The following ENOX2 variants were observed in gnomAD, a reference collection of about 807,000 sequenced individuals.
The protein encoded by ENOX2 is APK1 antigen.
Under a neutral mutation model 45.0 loss-of-function variants are expected in ENOX2, and 36 were observed. That is an observed-to-expected ratio of 0.80 (90% CI 0.61 to 1.06). The LOEUF (loss-of-function observed/expected upper bound fraction) is 1.06. Ranked by LOEUF, ENOX2 falls within the 50% of genes least tolerant of loss-of-function variation. The probability of loss-of-function intolerance (pLI) is 0.00; values close to 1 mark genes in which losing one functional copy is unlikely to be tolerated. For missense variants in ENOX2, 423 were observed against 462.5 expected, an observed-to-expected ratio of 0.91 and a Z score of 0.78; for synonymous variants, 174 against 152.3, an observed-to-expected ratio of 1.14 and a Z score of -1.05.
At chrX:130,768,898 G>C (rs758948668) in intron 3 of ENOX2, among the ~76,000 whole-genome samples, 25 of 111,518 alleles carry the variant, frequency 2.2e-4, no homozygotes, top group Admixed American at 4.8e-4. Flanking sequence ...CTCAGATATA[G>C]TTTGGATGGG....
chrX:130,787,867 C>CA (rs2076991125), intron 2 of ENOX2, among the ~76,000 whole-genome samples: 1 of 111,257 alleles, frequency 9.0e-6, no homozygotes, highest in East Asian at 2.8e-4. Context: ...GGAGGGGGGA[C>CA]ATCTCACTCA....
At chrX:130,714,362 T>G (rs947495060) in intron 3 of ENOX2, among the ~76,000 whole-genome samples, 1 of 111,923 alleles carries the variant, frequency 8.9e-6, no homozygotes, top group African/African-American at 3.2e-5. Context: ...TCCAACCATG[T>G]GCATCAGAAT....
intron 3 of ENOX2, among the ~76,000 whole-genome samples, chrX:130,777,243 A>C (rs920797715): frequency 9.0e-6 from 1 of 111,030 alleles, no homozygotes; most frequent in African/African-American, 3.3e-5. Flanking sequence ...TCATGCCTGT[A>C]ATCTCAGCAC....
intron 2 of ENOX2, among the ~76,000 whole-genome samples, chrX:130,890,161 T>C (rs2078963949): frequency 8.9e-6 from 1 of 111,868 alleles, no homozygotes; most frequent in African/African-American, 3.2e-5. Flanking sequence ...ATTTTTTTTT[T>C]GTTAGCTTCT....
At chrX:130,717,382 C>T (rs1449120720) in intron 3 of ENOX2, among the ~76,000 whole-genome samples, 1 of 112,373 alleles carries the variant, frequency 8.9e-6, no homozygotes, top group Non-Finnish European at 1.9e-5. Context: ...GACCATGCCA[C>T]TGTTCTTATC....
At chrX:130,754,042 A>G (rs759055134) in intron 3 of ENOX2, among the ~76,000 whole-genome samples, 1 of 111,956 alleles carries the variant, frequency 8.9e-6, no homozygotes, top group African/African-American at 3.2e-5. Context: ...AAAGCTAGAA[A>G]AGAACATTTT....
chrX:130,828,648 TAATC>T (rs962576001), intron 2 of ENOX2, among the ~76,000 whole-genome samples: 2 of 111,978 alleles, frequency 1.8e-5, no homozygotes, highest in Admixed American at 1.9e-4. Context: ...AATAAAATAA[TAATC>T]AATACAACTC....
At chrX:130,733,364 T>A (rs974467838) in intron 3 of ENOX2, among the ~76,000 whole-genome samples, 4 of 109,621 alleles carry the variant, frequency 3.6e-5, no homozygotes, top group Non-Finnish European at 7.6e-5. Context: ...TTTTTTTTTT[T>A]AAAGTGACAA....
At chrX:130,803,771 C>T (rs1422622103) in intron 2 of ENOX2, among the ~76,000 whole-genome samples, 1 of 112,182 alleles carries the variant, frequency 8.9e-6, no homozygotes, top group East Asian at 2.8e-4. Context: ...ATTACTGAAA[C>T]TGCCACATCA....
At chrX:130,773,216 C>T (rs2039780212) in intron 3 of ENOX2, among the ~76,000 whole-genome samples, 1 of 111,909 alleles carries the variant, frequency 8.9e-6, no homozygotes, top group South Asian at 3.7e-4. Flanking sequence ...AATCCTAAAA[C>T]AACCCTGTGC....
intron 2 of ENOX2, among the ~76,000 whole-genome samples, chrX:130,795,926 C>T (rs1304403695): frequency 1.8e-5 from 2 of 110,726 alleles, no homozygotes; most frequent in Non-Finnish European, 3.8e-5. Context: ...CACAGGAGTA[C>T]ACAGAGCCTT....
At chrX:130,628,765 C>G (rs1195249395) in intron 13 of ENOX2, among the ~76,000 whole-genome samples, 5 of 112,369 alleles carry the variant, frequency 4.4e-5, no homozygotes, top group African/African-American at 1.6e-4. Context: ...TCCACTTAGC[C>G]TAACTCTGGG....
chrX:130,652,110 T>C (rs1443003185), intron 10 of ENOX2, among the ~76,000 whole-genome samples: 2 of 112,317 alleles, frequency 1.8e-5, no homozygotes, highest in Non-Finnish European at 3.8e-5. Context: ...TAATGTCATG[T>C]ATTCTGGCCC....
chrX:130,788,521 T>C (rs932426390), intron 2 of ENOX2, among the ~76,000 whole-genome samples: 4 of 111,745 alleles, frequency 3.6e-5, no homozygotes, highest in Non-Finnish European at 5.6e-5. Flanking sequence ...AACTACCACC[T>C]ACTCTATTTT....
intron 2 of ENOX2, among the ~76,000 whole-genome samples, chrX:130,831,840 A>T (rs2077836909): frequency 9.0e-6 from 1 of 111,564 alleles, no homozygotes; most frequent in Admixed American, 9.6e-5. Context: ...TATCTAGCAG[A>T]GTATCTAGTA....
rs60183563 is a variant in ENOX2 at position 130,709,637 on chromosome X, CA to C, written c.-38-6384del. Among the ~76,000 whole-genome samples the C allele has an allele frequency of 2.4e-3, 72 of 30,107 alleles. No individual in the cohort carries two copies. In the South Asian group the frequency reaches 0.028, roughly 12 times the overall value. 26.1% of individuals were successfully genotyped at this position (30,107 alleles called of 115,157 possible). On this transcript the variant is annotated intron_variant, in intron 3 of 14. Transcript: ENST00000394363. ...TGGGCAACAGAGTGAGACTCTGTCT[CA>C]AAAAAAAAAAAAAAAAAGAAAAGAA...
chrX:130,796,359 A>G lies in ENOX2; in HGVS notation c.-182-12669T>C, dbSNP rs547041849. Among the ~76,000 whole-genome samples, 15 of 111,727 alleles carry G rather than the reference A, an allele frequency of 1.3e-4. No homozygotes were observed. The South Asian group carries it at 5.3e-3, about 40-fold the overall frequency. ...TGGGTTTCAGTATGAGAAAAAGCAC[A>G]GTCCAATAGAAGCATATCCATAAAT... On this transcript the variant is annotated intron_variant, in intron 2 of 14. Transcript: ENST00000394363.
At chrX:130,660,314 T>C (rs750882985) in intron 9 of ENOX2, among the ~76,000 whole-genome samples, 1 of 111,882 alleles carries the variant, frequency 8.9e-6, no homozygotes, top group Admixed American at 9.5e-5. Context: ...TGGGGAACAT[T>C]TAGTAAGTGA....
intron 4 of ENOX2, among the ~76,000 whole-genome samples, chrX:130,700,671 G>A (rs1173326887): frequency 8.9e-6 from 1 of 112,025 alleles, no homozygotes; most frequent in African/African-American, 3.2e-5. Context: ...GCTAAGAGTA[G>A]TAATAATGAT....
Sources: allele counts gnomAD v4.1 joint callset (sites outside exome capture counted in the v4.1 genomes callset), GRCh38; gene constraint gnomAD v4.1.1; transcripts MANE v1.5; gene names NCBI Gene and HGNC (gene_info 2026-07-23, HGNC 2026-07-21).